The following PSMD1 variants were observed in gnomAD, a reference collection of about 807,000 sequenced individuals.
PSMD1 encodes 26S proteasome non-ATPase regulatory subunit 1.
Under a neutral mutation model 119.0 loss-of-function variants are expected in PSMD1, and 18 were observed. The ratio of observed to expected loss-of-function variants is 0.15; its 90% CI spans 0.10 to 0.22. The LOEUF (loss-of-function observed/expected upper bound fraction) is 0.22. PSMD1 is among the 10% of genes least tolerant of loss of function. PSMD1 has a pLI of 1.00. For missense variants in PSMD1, 702 were observed against 1,158.5 expected (o/e 0.61, Z 5.72); for synonymous variants, 374 against 396.6 (o/e 0.94, Z 0.68).
chr2:231,095,176 T>C (rs1374225847), intron 16 of PSMD1, among the ~76,000 whole-genome samples: 1 of 152,236 alleles, frequency 6.6e-6, no homozygotes, highest in East Asian at 1.9e-4. Context: ...AGGAGTTAAA[T>C]ACCTGGGAGA....
intron 16 of PSMD1, among the ~76,000 whole-genome samples, chr2:231,126,070 A>G (rs1022700644): frequency 6.6e-6 from 1 of 152,338 alleles, no homozygotes; most frequent in Middle Eastern, 3.4e-3. Flanking sequence ...GAGAAATCAG[A>G]TGTTTTTTAA....
chr2:231,057,018 G>T lies in PSMD1; in HGVS notation c.-8G>T. On this transcript the variant is annotated 5_prime_UTR_variant, in exon 1 of 25. Coordinates refer to ENST00000308696, the MANE Select transcript of PSMD1 (RefSeq NM_002807.4). ...GAGCGAGCCGACGGGCGAGTGAGGG[G>T]CGCAGCCATGATCACCTCGGCCGGT... The T allele has an allele frequency of 6.5e-7, 1 of 1,538,668 alleles. No homozygotes were observed. Among genetic ancestry groups the T allele is most frequent in the Non-Finnish European group, 8.7e-7 (1 of 1,143,868 alleles).
rs778305833 is a variant in PSMD1 at position 231,083,029 on chromosome 2, TATTA to T, written c.1525+42_1525+45del. On this transcript the variant is annotated intron_variant, in intron 13 of 24. Transcript: ENST00000308696. Reference sequence around the variant, plus strand: ...TCTTTCTAAAGCTAACAAGCTTAAGTATTAATTAATGTAAATGTAATTACATTAG... The same window carrying T: ...TCTTTCTAAAGCTAACAAGCTTAAGTATTAATGTAAATGTAATTACATTAG... 6 of 1,438,028 alleles carry T rather than the reference TATTA, an allele frequency of 4.2e-6. No homozygotes were observed. In the African/African-American group the frequency reaches 8.5e-5, roughly 20 times the overall value. The allele number at this position is 1,438,028 out of a possible 1,614,324, so 89.1% of individuals were successfully genotyped here.
At chr2:231,104,494 A>G (rs1694936001) in intron 16 of PSMD1, among the ~76,000 whole-genome samples, 3 of 152,166 alleles carry the variant, frequency 2.0e-5, no homozygotes, top group Admixed American at 2.0e-4. Flanking sequence ...TTATAAATGA[A>G]AATTAAATAT....
intron 12 of PSMD1, 67 bp downstream of exon 12, chr2:231,080,381 T>C: frequency 7.7e-7 from 1 of 1,302,264 alleles, no homozygotes. Context: ...TTTGCCACAT[T>C]ATTTTAGTGA....
intron 16 of PSMD1, among the ~76,000 whole-genome samples, chr2:231,130,464 G>GTTGTT (rs759571563): frequency 1.5e-4 from 23 of 151,912 alleles, no homozygotes; most frequent in Admixed American, 3.9e-4. Context: ...TTCTAAATAC[G>GTTGTT]TTGTTTTGTT....
intron 16 of PSMD1, among the ~76,000 whole-genome samples, chr2:231,093,843 T>G (rs1281711665): frequency 6.6e-6 from 1 of 152,176 alleles, no homozygotes; most frequent in Non-Finnish European, 1.5e-5. Context: ...ACGAGATGCC[T>G]GTGGAATGTT....
In PSMD1 at chr2:231,166,000, T is replaced by C; in HGVS notation, c.2698T>C (p.Tyr900His). 1 of 1,613,394 alleles carries C rather than the reference T, an allele frequency of 6.2e-7. No individual in the cohort carries two copies. Among genetic ancestry groups the C allele is most frequent in the South Asian group, 1.1e-5 (1 of 90,966 alleles). ...KVLTMPETCR[Y>H]QPFKPLSIGG... ...CCTAACCATGCCGGAGACCTGTAGA[T>C]ACCAGCCTTTCAAACCAGTAAGTTA... Residue 900 changes from tyrosine (Y) to histidine (H), a missense_variant, in exon 23 of 25, where the codon TAC becomes CAC. Physicochemically the swap from Tyr to His is moderately conservative, Grantham distance 83. Around this residue, in one of 9 missense-constraint regions of PSMD1, gnomAD observed 152 missense variants for 239.3 expected, o/e 0.64. Coordinates refer to ENST00000308696, the MANE Select transcript of PSMD1 (RefSeq NM_002807.4).
chr2:231,111,331 C>T (rs1054067984), intron 16 of PSMD1, among the ~76,000 whole-genome samples: 2 of 152,184 alleles, frequency 1.3e-5, no homozygotes, highest in Admixed American at 6.5e-5. Flanking sequence ...TTATTTTTAT[C>T]TCTAGTTCAT....
chr2:231,063,731 A>C (rs897692285), intron 4 of PSMD1, among the ~76,000 whole-genome samples: 1 of 152,244 alleles, frequency 6.6e-6, no homozygotes, highest in African/African-American at 2.4e-5. Context: ...CTGATGGCTT[A>C]AAAGGATGGA....
intron 18 of PSMD1, among the ~76,000 whole-genome samples, chr2:231,148,845 A>T (rs554048595): frequency 6.6e-6 from 1 of 152,312 alleles, no homozygotes; most frequent in East Asian, 1.9e-4. Context: ...CATTTTGGAG[A>T]TGGTATACAG....
Position 231,066,638 on chromosome 2 carries a change from C to T in PSMD1, c.305-268C>T, listed in dbSNP as rs181788241. 1.1e-3 allele frequency among the ~76,000 whole-genome samples: 168 copies of T among 152,238 alleles called. 3 individuals carry two copies. In the East Asian group the frequency reaches 0.023, roughly 21 times the overall value. Reference sequence around the variant, plus strand: ...ATGTGATCCTCCTGCCTCAGCCTGCCGAGTAGCTGGGACTGTGGGTGAGCA... The same window carrying T: ...ATGTGATCCTCCTGCCTCAGCCTGCTGAGTAGCTGGGACTGTGGGTGAGCA... On this transcript the variant is annotated intron_variant, in intron 4 of 24. Transcript: ENST00000308696.
chr2:231,145,294 G>T, intron 17 of PSMD1, among the ~76,000 whole-genome samples: 1 of 152,288 alleles, frequency 6.6e-6, no homozygotes, highest in African/African-American at 2.4e-5. Context: ...TCATGTTACT[G>T]TACTGACTAG....
At chr2:231,111,901 A>G (rs78333801) in intron 16 of PSMD1, among the ~76,000 whole-genome samples, 3,388 of 152,246 alleles carry the variant, frequency 0.022, 136 homozygotes, top group African/African-American at 0.077. Context: ...CCTTTCTTGA[A>G]TGCAAAGATT....
At position 231,080,314 on chromosome 2, in the gene PSMD1, T is replaced by C; in HGVS notation, c.1413T>C (p.Asp471=). ...LLNQLKNASN[D]IVRHGGSLGL... Reference sequence around the variant, plus strand: ...ATCAGCTTAAGAACGCCAGCAATGATGTAAGTATTAAAATGGAAAACTAAA... The same window carrying C: ...ATCAGCTTAAGAACGCCAGCAATGACGTAAGTATTAAAATGGAAAACTAAA... Residue 471 remains aspartate, a splice_region_variant and synonymous_variant, in exon 12 of 25, where the codon GAT becomes GAC. Transcript: ENST00000308696. 1 of 1,582,694 alleles carries C rather than the reference T, an allele frequency of 6.3e-7. No homozygotes were observed.
At chr2:231,139,550 T>TCAAAC (rs1696054982) in intron 17 of PSMD1, among the ~76,000 whole-genome samples, 1 of 121,336 alleles carries the variant, frequency 8.2e-6, no homozygotes, top group Non-Finnish European at 1.6e-5. Flanking sequence ...CCTGGCCCAT[T>TCAAAC]GATTTCTTAA....
At position 231,089,249 on chromosome 2, in the gene PSMD1, A is replaced by G. The variant is rs148004485; in HGVS notation, c.1883+2068A>G. Among the ~76,000 whole-genome samples, 1,462 of 152,366 alleles carry G rather than the reference A, an allele frequency of 9.6e-3. 6 individuals are homozygous for G. The highest frequency in any genetic ancestry group is 0.015 in the Non-Finnish European group (1,030 of 68,032). Reference sequence around the variant, plus strand: ...ATGCAGAAGCTGCAGCAAGTTACCCAGAAGATCTAGCTAAGATCATTGATG... The same window carrying G: ...ATGCAGAAGCTGCAGCAAGTTACCCGGAAGATCTAGCTAAGATCATTGATG... On this transcript the variant is annotated intron_variant, in intron 16 of 24. Coordinates refer to ENST00000308696, the MANE Select transcript of PSMD1 (RefSeq NM_002807.4).
At chr2:231,129,624 T>G (rs1695806865) in intron 16 of PSMD1, among the ~76,000 whole-genome samples, 1 of 152,222 alleles carries the variant, frequency 6.6e-6, no homozygotes, top group East Asian at 1.9e-4. Flanking sequence ...GTGGTTTTGT[T>G]TTTTGCTTTT....
chr2:231,138,541 A>G (rs1696026007), intron 16 of PSMD1, among the ~76,000 whole-genome samples, 195 bp from the exon 17 acceptor site: 2 of 152,212 alleles, frequency 1.3e-5, no homozygotes, highest in Admixed American at 6.5e-5. Flanking sequence ...CTGTACATAT[A>G]TTCTCTGAAT....
Sources: gnomAD v4.1 joint callset for allele counts (sites outside exome capture counted in the v4.1 genomes callset) on GRCh38, gnomAD v4.1.1 for gene constraint, gnomAD v4.1.1 regional missense constraint, MANE v1.5 for transcripts, NCBI Gene and HGNC (gene_info 2026-07-23, HGNC 2026-07-21) for gene names.